The following PACC1 variants were observed in gnomAD, a reference collection of about 807,000 sequenced individuals.
PACC1 encodes the protein proton activated chloride channel 1.
A neutral mutation model predicts 39.7 loss-of-function variants in PACC1; 34 were observed. That is an observed-to-expected ratio of 0.86 (90% CI 0.65 to 1.14). The LOEUF is 1.14. Ranked by LOEUF, PACC1 falls within the 50% of genes most tolerant of loss-of-function variation. PACC1 has a pLI of 0.00. For synonymous variants in PACC1, 127 were observed against 160.6 expected (o/e 0.79, Z 1.58); for missense variants, 379 against 436.4 (o/e 0.87, Z 1.17).
intron 7 of PACC1, among the ~76,000 whole-genome samples, chr1:212,374,671 T>G (rs936443841): frequency 6.6e-6 from 1 of 152,228 alleles, no homozygotes; most frequent in African/African-American, 2.4e-5. Flanking sequence ...TAAATATGTA[T>G]ATTATGTATC....
At chr1:212,407,268 C>T (rs973101088) in intron 2 of PACC1, among the ~76,000 whole-genome samples, 3 of 152,226 alleles carry the variant, frequency 2.0e-5, no homozygotes, top group Non-Finnish European at 4.4e-5. Flanking sequence ...TTTGAAGCTG[C>T]AGGAAGGGGC....
At chr1:212,409,027 G>A (rs948431954) in intron 2 of PACC1, among the ~76,000 whole-genome samples, 3 of 152,198 alleles carry the variant, frequency 2.0e-5, no homozygotes, top group Admixed American at 6.5e-5. Context: ...TCATAGGAGT[G>A]CAAATCCTAT....
In PACC1 at chr1:212,404,316, C is replaced by T. The variant is rs148241232; in HGVS notation, c.133+6109G>A. Among the ~76,000 whole-genome samples the T allele has an allele frequency of 2.3e-3, 354 of 151,684 alleles. 3 individuals carry two copies. The highest frequency in any genetic ancestry group is 8.1e-3 in the African/African-American group (336 of 41,314). The stretch of plus-strand genomic sequence containing the variant: ...AGAGACGGGGTTTCATCGTGTTAGC[C>T]AGGATGGTGTCGATCTCCTGACCTC... On this transcript the variant is annotated intron_variant, in intron 2 of 7. Coordinates refer to ENST00000261455, the MANE Select transcript of PACC1 (RefSeq NM_018252.3).
chr1:212,403,613 G>T (rs1661794483), intron 2 of PACC1, among the ~76,000 whole-genome samples: 1 of 152,166 alleles, frequency 6.6e-6, no homozygotes, highest in African/African-American at 2.4e-5. Context: ...CGCCCAGGCT[G>T]GTGTGCAGCA....
chr1:212,396,372 G>A (rs913891709), intron 2 of PACC1, among the ~76,000 whole-genome samples: 2 of 152,054 alleles, frequency 1.3e-5, no homozygotes, highest in African/African-American at 4.8e-5. Flanking sequence ...TCACTCATAG[G>A]TGGGAACTGA....
intron 2 of PACC1, among the ~76,000 whole-genome samples, chr1:212,409,248 C>G (rs763577373): frequency 1.1e-4 from 16 of 152,124 alleles, no homozygotes; most frequent in Admixed American, 2.0e-4. Context: ...AACAAACGCA[C>G]CATTCCAACA....
chr1:212,395,796 C>T lies in PACC1; in HGVS notation c.134-8696G>A, dbSNP rs572937133. 2.6e-5 allele frequency among the ~76,000 whole-genome samples: 4 copies of T among 152,130 alleles called. No individual in the cohort carries two copies. In the South Asian group the frequency reaches 8.3e-4, roughly 32 times the overall value. On this transcript the variant is annotated intron_variant, in intron 2 of 7. Coordinates refer to ENST00000261455, the MANE Select transcript of PACC1 (RefSeq NM_018252.3). ...GTGAAGGATATGAATGGATACTTCT[C>T]AAAAGAAGACATTTATGCAGCCAAC... is the stretch of plus-strand genomic sequence containing the variant.
intron 2 of PACC1, among the ~76,000 whole-genome samples, chr1:212,401,752 C>T (rs1661724099): frequency 6.7e-6 from 1 of 148,966 alleles, no homozygotes; most frequent in South Asian, 2.1e-4. Context: ...TGGCTCACTG[C>T]AACCTCCACC....
chr1:212,380,320 C>A lies in PACC1; in HGVS notation c.496-283G>T, dbSNP rs981720036. On this transcript the variant is annotated intron_variant, in intron 4 of 7. Transcript: ENST00000261455. Reference sequence around the variant, plus strand: ...TTAATTTAGCAAGGATGATCACTTTCATCTGTTATGTGTGCCAATCTTTTC... The same window carrying A: ...TTAATTTAGCAAGGATGATCACTTTAATCTGTTATGTGTGCCAATCTTTTC... 6.6e-5 allele frequency among the ~76,000 whole-genome samples: 10 copies of A among 152,324 alleles called. No individual in the cohort carries two copies. The East Asian group carries it at 9.6e-4, about 15-fold the overall frequency.
At chr1:212,373,683 G>T (rs56325803) in intron 7 of PACC1, among the ~76,000 whole-genome samples, 10,592 of 152,028 alleles carry the variant, frequency 0.07, 1,207 homozygotes, top group African/African-American at 0.24. Context: ...TTTTAAAATG[G>T]GCAAGAGATC....
intron 7 of PACC1, among the ~76,000 whole-genome samples, chr1:212,369,610 G>A (rs1660371086): frequency 6.6e-6 from 1 of 151,936 alleles, no homozygotes; most frequent in Admixed American, 6.6e-5. Flanking sequence ...GCAAAACCCT[G>A]TCTCTACTAA....
chr1:212,413,030 T>C (rs191422219), intron 1 of PACC1, among the ~76,000 whole-genome samples: 1 of 152,362 alleles, frequency 6.6e-6, no homozygotes, highest in East Asian at 1.9e-4. Flanking sequence ...GTGGGCTTTC[T>C]GACTTTTATC....
At chr1:212,373,253 G>A (rs1660524417) in intron 7 of PACC1, among the ~76,000 whole-genome samples, 1 of 152,024 alleles carries the variant, frequency 6.6e-6, no homozygotes, top group Non-Finnish European at 1.5e-5. Flanking sequence ...AATACAATTG[G>A]GAAAGGATAA....
chr1:212,394,882 AT>A (rs1253031179), intron 2 of PACC1, among the ~76,000 whole-genome samples: 1 of 152,240 alleles, frequency 6.6e-6, no homozygotes, highest in African/African-American at 2.4e-5. Flanking sequence ...CTTACAAGGG[AT>A]GTGAAGGACC....
intron 2 of PACC1, among the ~76,000 whole-genome samples, chr1:212,396,203 A>G (rs111317150): frequency 0.011 from 1,650 of 152,334 alleles, 35 homozygotes; most frequent in African/African-American, 0.037. Context: ...TCCAACAATG[A>G]TAGACTGGAT....
rs1662139564 is a variant in PACC1 at position 212,411,889 on chromosome 1, C to G, written c.37-1368G>C. Reference sequence around the variant, plus strand: ...GACACGGTGGCTCATGCCTGTAATTCCAGCACTTTGGGAGGCCGAGGTGGG... The same window carrying G: ...GACACGGTGGCTCATGCCTGTAATTGCAGCACTTTGGGAGGCCGAGGTGGG... On this transcript the variant is annotated intron_variant, in intron 1 of 7. Transcript: ENST00000261455. Among the ~76,000 whole-genome samples the G allele has an allele frequency of 2.0e-5, 3 of 152,220 alleles. No homozygotes were observed. The South Asian group carries it at 6.2e-4, about 32-fold the overall frequency.
chr1:212,404,475 A>G (rs1455066795), intron 2 of PACC1, among the ~76,000 whole-genome samples: 1 of 150,508 alleles, frequency 6.6e-6, no homozygotes, highest in Non-Finnish European at 1.5e-5. Flanking sequence ...ACCCCTCCAT[A>G]ATCTGACCAA....
At chr1:212,408,875 AG>A (rs1662022142) in intron 2 of PACC1, among the ~76,000 whole-genome samples, 1 of 152,222 alleles carries the variant, frequency 6.6e-6, no homozygotes, top group African/African-American at 2.4e-5. Flanking sequence ...CTAGTAGAAC[AG>A]GGGTCCCCAA....
chr1:212,411,175 T>C (rs189651477), intron 1 of PACC1, among the ~76,000 whole-genome samples: 3 of 152,356 alleles, frequency 2.0e-5, no homozygotes, highest in East Asian at 3.9e-4. Flanking sequence ...ATATTTTCCA[T>C]GGCCATAAAG....
Sources: gnomAD v4.1 joint callset for allele counts (sites outside exome capture counted in the v4.1 genomes callset) on GRCh38, gnomAD v4.1.1 for gene constraint, MANE v1.5 for transcripts, NCBI Gene and HGNC (gene_info 2026-07-23, HGNC 2026-07-21) for gene names.